Variants in LMBRD2 observed in about 807,000 individuals in gnomAD.
LMBRD2 encodes the protein G protein-coupled receptor-associated protein LMBRD2.
A neutral mutation model predicts 94.4 loss-of-function variants in LMBRD2; 55 were observed. That is an observed-to-expected ratio of 0.58 (90% CI 0.47 to 0.73). The LOEUF (loss-of-function observed/expected upper bound fraction) is 0.73. LMBRD2 is among the 30% of genes least tolerant of loss of function. The pLI is 0.00. For missense variants in LMBRD2, 640 were observed against 831.9 expected, an observed-to-expected ratio of 0.77 and a Z score of 2.84; for synonymous variants, 246 against 272.4, an observed-to-expected ratio of 0.90 and a Z score of 0.95.
chr5:36,143,166 C>T lies in LMBRD2; in HGVS notation c.174+10G>A. The T allele has an allele frequency of 6.4e-7, 1 of 1,550,476 alleles. No homozygotes were observed. Among genetic ancestry groups the T allele is most frequent in the Non-Finnish European group, 8.7e-7 (1 of 1,145,508 alleles). On this transcript the variant is annotated intron_variant, in intron 2 of 17. Transcript: ENST00000296603. ...TCTTTTAAATTGTGAAAATAAATTT[C>T]ACTCCTTACCGTACTAACATCCAGA...
chr5:36,135,931 C>T (rs1479593554), intron 6 of LMBRD2, among the ~76,000 whole-genome samples: 2 of 152,148 alleles, frequency 1.3e-5, no homozygotes, highest in African/African-American at 4.8e-5. Context: ...TTAGGTTAAC[C>T]TTTCGGAAAT....
rs1476223165 is a variant in LMBRD2, at chr5:36,102,717, C to G, written c.*1329G>C. On this transcript the variant is annotated 3_prime_UTR_variant, in exon 18 of 18. Coordinates refer to ENST00000296603, the MANE Select transcript of LMBRD2 (RefSeq NM_001007527.2). Reference sequence around the variant, plus strand: ...AATTTATGTCTTGGGGAAAGATTAACTTCAAGTTAGGGGAACCATATAATT... The same window carrying G: ...AATTTATGTCTTGGGGAAAGATTAAGTTCAAGTTAGGGGAACCATATAATT... The G allele has an allele frequency of 4.6e-5, 7 of 151,392 alleles. No homozygotes were observed. The highest frequency in any genetic ancestry group is 1.0e-4 in the Non-Finnish European group (7 of 67,644). 9.4% of individuals were successfully genotyped at this position (151,392 alleles called of 1,614,324 possible). A position where few individuals can be genotyped will look rare whatever the true frequency, so the allele number is the denominator to read the frequency against.
intron 6 of LMBRD2, among the ~76,000 whole-genome samples, chr5:36,134,048 A>C (rs1744214274): frequency 6.6e-6 from 1 of 152,132 alleles, no homozygotes; most frequent in South Asian, 2.1e-4. Context: ...TAAGTATCTT[A>C]TTGAAATATC....
chr5:36,116,413 C>T (rs994155148), intron 11 of LMBRD2, 47 bp downstream of exon 11: 2 of 1,554,406 alleles, frequency 1.3e-6, no homozygotes, highest in South Asian at 1.1e-5. Context: ...CATAAGAATA[C>T]ACTCAATGAT....
At chr5:36,108,728 A>G (rs755871614) in intron 15 of LMBRD2, 89 bp from the exon 16 acceptor site, 1 of 502,982 alleles carries the variant, frequency 2.0e-6, no homozygotes. Flanking sequence ...ATTTATTTTC[A>G]TCAGAGATTC....
Position 36,100,751 on chromosome 5 carries a change from T to G in LMBRD2, c.*3295A>C, listed in dbSNP as rs1743330717. ...ATCACAAGTAAGAAACTCACCTTACTAAACAGGTGAATTATAATATGGAGA... is the reference window on the plus strand; with the variant it reads ...ATCACAAGTAAGAAACTCACCTTACGAAACAGGTGAATTATAATATGGAGA... On this transcript the variant is annotated 3_prime_UTR_variant, in exon 18 of 18. Transcript: ENST00000296603. 1 of 152,052 alleles carries G rather than the reference T, an allele frequency of 6.6e-6. No homozygotes were observed. Among genetic ancestry groups the G allele is most frequent in the African/African-American group, 2.4e-5 (1 of 41,448 alleles). 9.4% of individuals were successfully genotyped at this position (152,052 alleles called of 1,614,324 possible).
intron 6 of LMBRD2, among the ~76,000 whole-genome samples, chr5:36,133,433 T>C (rs1046612244): frequency 2.6e-5 from 4 of 152,110 alleles, no homozygotes; most frequent in African/African-American, 9.7e-5. Flanking sequence ...CAGTATTTGA[T>C]AGAACAGGGT....
chr5:36,134,920 T>C (rs1744234968), intron 6 of LMBRD2, among the ~76,000 whole-genome samples: 1 of 152,184 alleles, frequency 6.6e-6, no homozygotes. Flanking sequence ...AGTTTGGGAA[T>C]AGCATGCTCA....
At chr5:36,125,820 T>A (rs1318061106) in intron 6 of LMBRD2, among the ~76,000 whole-genome samples, 3 of 152,014 alleles carry the variant, frequency 2.0e-5, no homozygotes, top group Non-Finnish European at 4.4e-5. Flanking sequence ...GAGGGGAGAA[T>A]GTAGATTCTG....
At chr5:36,139,456 T>A (rs1579525214) in intron 4 of LMBRD2, among the ~76,000 whole-genome samples, 1 of 152,152 alleles carries the variant, frequency 6.6e-6, no homozygotes, top group Non-Finnish European at 1.5e-5. Flanking sequence ...AGTGGGCAGG[T>A]CCCCGGTGAA....
intron 9 of LMBRD2, among the ~76,000 whole-genome samples, chr5:36,120,411 C>G (rs191286068): frequency 6.6e-6 from 1 of 152,160 alleles, no homozygotes; most frequent in East Asian, 1.9e-4. Flanking sequence ...CAGGCACGCA[C>G]CACCACGCCC....
At chr5:36,133,002 T>TAA (rs34516747) in intron 6 of LMBRD2, among the ~76,000 whole-genome samples, 10 of 132,716 alleles carry the variant, frequency 7.5e-5, no homozygotes, top group Non-Finnish European at 8.3e-5. Context: ...TCAAAAAAAT[T>TAA]AAAAAAAAAA....
chr5:36,116,727 A>G (rs1743754381), intron 10 of LMBRD2, 134 bp from the exon 11 acceptor site: 5 of 785,918 alleles, frequency 6.4e-6, no homozygotes, highest in Non-Finnish European at 9.9e-6. Context: ...CCCAGGCTGG[A>G]GTGCAGTGGC....
intron 8 of LMBRD2, 105 bp downstream of exon 8, chr5:36,122,743 A>G: frequency 7.5e-7 from 1 of 1,339,548 alleles, no homozygotes; most frequent in Non-Finnish European, 1.0e-6. Flanking sequence ...GGATTAAAGG[A>G]AGTTTTAAAT....
At chr5:36,112,437 T>C (rs1743634440) in intron 13 of LMBRD2, among the ~76,000 whole-genome samples, 1 of 152,148 alleles carries the variant, frequency 6.6e-6, no homozygotes, top group Non-Finnish European at 1.5e-5. Context: ...GTGTTGCTAA[T>C]AGTGTGGGAA....
rs762499138 is a variant in LMBRD2 at position 36,109,973 on chromosome 5, C to T, written c.1763G>A (p.Arg588Lys). The T allele has an allele frequency of 4.4e-6, 7 of 1,608,264 alleles. No homozygotes were observed. In the Admixed American group the frequency reaches 5.0e-5, roughly 12 times the overall value. Residue 588 changes from arginine to lysine, a missense_variant, in exon 15 of 18, where the codon AGG becomes AAG. By Grantham distance (26) the Arg-to-Lys change is conservative. This residue lies in a region of LMBRD2 where 183 missense variants were observed against 189.1 expected (regional missense o/e 0.97). Transcript: ENST00000296603. ...LIRKEKRKRQ[R>K]QEEGENRRRE... ...TCTTCGATTTTCACCTTCTTCTTGC[C>T]TTTGCCTTTTTCTCTTCTCTAAAGA... is the stretch of plus-strand genomic sequence containing the variant.
chr5:36,121,872 T>C (rs1485524177), intron 9 of LMBRD2, among the ~76,000 whole-genome samples: 1 of 152,180 alleles, frequency 6.6e-6, no homozygotes, highest in Non-Finnish European at 1.5e-5. Context: ...CTAGGAGTAA[T>C]AAGCCATACC....
rs762810971 is a variant in LMBRD2, at chr5:36,115,030, T to C, written c.1527A>G (p.Pro509=). ...CCGTACTTACAGATGTATAAGCAGT[T>C]GGTTGAGTATTCTTGTGAGAGATAG... is the stretch of plus-strand genomic sequence containing the variant. ...DSSISHKNTQ[P]TAYTSIMGSM... The change falls in exon 12 of 18, where the codon CCA becomes CCG. Residue 509 remains proline (P), a synonymous_variant. Coordinates refer to ENST00000296603, the MANE Select transcript of LMBRD2 (RefSeq NM_001007527.2). 6.3e-7 allele frequency: 1 copy of C among 1,595,306 alleles called. No homozygotes were observed. Among genetic ancestry groups the C allele is most frequent in the Admixed American group, 1.7e-5 (1 of 59,730 alleles).
chr5:36,126,528 G>A (rs1403476383), intron 6 of LMBRD2, among the ~76,000 whole-genome samples: 1 of 152,160 alleles, frequency 6.6e-6, no homozygotes, highest in Non-Finnish European at 1.5e-5. Context: ...CGTGAAGGGA[G>A]GCTAACAGGC....
Sources: allele counts gnomAD v4.1 joint callset (sites outside exome capture counted in the v4.1 genomes callset), GRCh38; gene constraint gnomAD v4.1.1; regional missense constraint gnomAD v4.1.1; transcripts MANE v1.5; gene names NCBI Gene and HGNC (gene_info 2026-07-23, HGNC 2026-07-21).